SYTL2: variants seen among roughly 807,000 people sequenced by gnomAD.
SYTL2 encodes the protein synaptotagmin-like protein 2.
SYTL2 carries 165 observed loss-of-function variants against 198.7 expected under a neutral mutation model. The ratio of observed to expected loss-of-function variants is 0.83; its 90% confidence interval spans 0.73 to 0.94. SYTL2 has a LOEUF of 0.94. Among genes scored for constraint, SYTL2 ranks in the 40% least tolerant of loss-of-function variants. The probability of loss-of-function intolerance (pLI) is 0.00; values close to 1 mark genes in which losing one functional copy is unlikely to be tolerated. For missense variants in SYTL2, 2,835 were observed against 2,582.8 expected (o/e 1.10, Z -2.12); for synonymous variants, 966 against 917.7 (o/e 1.05, Z -0.95).
intron 2 of SYTL2, among the ~76,000 whole-genome samples, chr11:85,752,916 T>TCAA (rs1565984055): frequency 3.0e-5 from 1 of 33,870 alleles, no homozygotes; most frequent in Non-Finnish European, 5.1e-5. Context: ...ACTGCCTTCA[T>TCAA]TAAAAAAAAA....
rs572831157 is a variant in SYTL2, at chr11:85,726,681, A to C, written c.2677T>G (p.Ser893Ala). 58 of 1,536,376 alleles carry C rather than the reference A, an allele frequency of 3.8e-5. No individual in the cohort carries two copies. The Admixed American group carries it at 8.6e-4, about 23-fold the overall frequency. The change falls in exon 8 of 20, where the codon TCA (serine) becomes GCA (alanine). Residue 893 changes from serine (S) to alanine (A), a missense_variant. By Grantham distance (99) the Ser-to-Ala change is moderately conservative (BLOSUM62 1). Transcript: ENST00000359152. ...QIAGPSRYYL[S>A]AEQSDKVSLF... ...GACACTTTATCTGATTGCTCAGCTGAAAGATAGTATCTGGATGGACCTGCT... is the reference window on the plus strand; with the variant it reads ...GACACTTTATCTGATTGCTCAGCTGCAAGATAGTATCTGGATGGACCTGCT...
intron 13 of SYTL2, 56 bp from the exon 14 acceptor site, chr11:85,709,556 C>G: frequency 1.3e-6 from 2 of 1,526,008 alleles, no homozygotes; most frequent in Non-Finnish European, 1.8e-6. Flanking sequence ...AAACCTAGCA[C>G]AAGGATCATG....
At chr11:85,846,288 T>C in the SYTL2 span, among the ~76,000 whole-genome samples, 1 of 152,192 alleles carries the variant, frequency 6.6e-6, no homozygotes, top group African/African-American at 2.4e-5. Context: ...GCCTCAGAAG[T>C]AACACAGAGT....
intron 16 of SYTL2, among the ~76,000 whole-genome samples, chr11:85,703,718 G>A (rs918917092): frequency 7.2e-5 from 11 of 152,166 alleles, no homozygotes; most frequent in East Asian, 3.9e-4. Flanking sequence ...TTAATAGACC[G>A]TATAAAACAA....
the SYTL2 span, among the ~76,000 whole-genome samples, chr11:85,850,256 T>C: frequency 6.6e-6 from 1 of 151,468 alleles, no homozygotes. Context: ...GACTTCCTCT[T>C]TTCCTAATTG....
rs1375226472 is a variant in SYTL2 at position 85,698,032 on chromosome 11, T to G, written c.6315A>C (p.Glu2105Asp). The G allele has an allele frequency of 6.2e-7, 1 of 1,613,960 alleles. No homozygotes were observed. Among genetic ancestry groups the G allele is most frequent in the Admixed American group, 1.7e-5 (1 of 60,018 alleles). Reference protein sequence around the residue: ...TTGEVHIWVKECLDLPLLRGS... With the variant: ...TTGEVHIWVKDCLDLPLLRGS... ...CCCTTAGCAGTGGTAGATCAAGGCA[T>G]TCCTTCACCCAGATGTGCACTTCTC... Residue 2105 changes from glutamate to aspartate, a missense_variant, in exon 18 of 20, where the codon GAA (glutamate) becomes GAC (aspartate). Physicochemically the swap from Glu to Asp is conservative, Grantham distance 45. Coordinates refer to ENST00000359152, the MANE Select transcript of SYTL2 (RefSeq NM_206927.4).
chr11:85,828,779 G>T, the SYTL2 span, among the ~76,000 whole-genome samples: 1 of 152,204 alleles, frequency 6.6e-6, no homozygotes, highest in African/African-American at 2.4e-5. Context: ...TACATGATTT[G>T]TCCATGGTTG....
chr11:85,719,399 ATT>A, intron 9 of SYTL2: 1 of 946,948 alleles, frequency 1.1e-6, no homozygotes, highest in Non-Finnish European at 1.3e-6. Flanking sequence ...GCTGATGGTG[ATT>A]TTTTTTTAAC....
intron 1 of SYTL2, among the ~76,000 whole-genome samples, chr11:85,790,212 G>A (rs2092709481): frequency 6.6e-6 from 1 of 152,114 alleles, no homozygotes; most frequent in Non-Finnish European, 1.5e-5. Context: ...GTAGGGTCAT[G>A]TCAGGGCTCA....
Position 85,734,338 on chromosome 11 carries a change from TTA to T in SYTL2, c.989_990del (p.Leu330Ter). On this transcript the variant is annotated frameshift_variant, in exon 7 of 20. Coordinates refer to ENST00000359152, the MANE Select transcript of SYTL2 (RefSeq NM_206927.4). LOFTEE classifies it high-confidence loss of function. ...TTCACTGCAGAGAATCTCACATGCTTTAATGGCTCCAGGGAGTTTGGGGAAGA... is the reference window on the plus strand; with the variant it reads ...TTCACTGCAGAGAATCTCACATGCTTATGGCTCCAGGGAGTTTGGGGAAGA... ...DNSSPNSLEP[L>X]KHVRFSAVKD... is the part of the protein sequence containing the mutation. The T allele has an allele frequency of 6.2e-7, 1 of 1,614,216 alleles. No homozygotes were observed.
chr11:85,770,274 A>G (rs1471209743), intron 1 of SYTL2, among the ~76,000 whole-genome samples: 3 of 152,064 alleles, frequency 2.0e-5, no homozygotes, highest in Admixed American at 1.3e-4. Context: ...CTAAAAACCA[A>G]TCATTGCCAG....
intron 1 of SYTL2, among the ~76,000 whole-genome samples, chr11:85,764,058 C>T (rs1028218644): frequency 1.3e-4 from 20 of 152,238 alleles, no homozygotes; most frequent in Admixed American, 1.2e-3. Flanking sequence ...TGGGCTGCTC[C>T]GCTTCTCAGG....
intron 15 of SYTL2, 117 bp downstream of exon 15, chr11:85,707,312 A>G (rs1162788180): frequency 2.9e-6 from 2 of 683,026 alleles, no homozygotes; most frequent in Non-Finnish European, 5.1e-6. Flanking sequence ...GAACATTTGT[A>G]TTCCCTTCCT....
rs191296454 is a variant in SYTL2 at position 85,718,922 on chromosome 11, C to T, written c.5429-79G>A. The T allele has an allele frequency of 2.4e-4, 378 of 1,573,300 alleles. 6 individuals are homozygous for T. The Middle Eastern group carries it at 3.7e-3, about 15-fold the overall frequency. On this transcript the variant is annotated intron_variant, in intron 9 of 19. Coordinates refer to ENST00000359152, the MANE Select transcript of SYTL2 (RefSeq NM_206927.4). ...GAACAATGAGATTGTCCCTGGAAGC[C>T]CCCGGAGTTGGAAGCAATTAGTCAA...
At chr11:85,714,797 A>G in intron 11 of SYTL2, 1 of 644,172 alleles carries the variant, frequency 1.6e-6, no homozygotes, top group Non-Finnish European at 2.1e-6. Flanking sequence ...TTATACTGTC[A>G]GTGTGAATTG....
In SYTL2 at chr11:85,724,090, C is replaced by T. The variant is rs747323429; in HGVS notation, c.5268G>A (p.Glu1756=). ...TGGTGTTTCCATCTGAAAAATCAGA[C>T]TCAGAGAAACCTTCTTTTTCTTCCT... The part of the protein sequence containing the change: ...EKEEEKEGFS[E]SDFSDGNTSS... Residue 1756 remains glutamate (E), a synonymous_variant, in exon 8 of 20, where the codon GAG becomes GAA. Coordinates refer to ENST00000359152, the MANE Select transcript of SYTL2 (RefSeq NM_206927.4). 1.9e-6 allele frequency: 3 copies of T among 1,570,022 alleles called. No homozygotes were observed. The South Asian group carries it at 3.7e-5, about 19-fold the overall frequency.
At chr11:85,771,187 G>C (rs1339570681) in intron 1 of SYTL2, among the ~76,000 whole-genome samples, 2 of 152,204 alleles carry the variant, frequency 1.3e-5, no homozygotes, top group Non-Finnish European at 2.9e-5. Context: ...AGTTACCAAA[G>C]TGTTGAGAGC....
chr11:85,853,897 C>A, the SYTL2 span: 1 of 152,144 alleles, frequency 6.6e-6, no homozygotes, highest in Non-Finnish European at 1.5e-5. Context: ...CTCTGTCACC[C>A]GTGCAGTGGC....
chr11:85,802,103 C>T (rs1049207660), intron 1 of SYTL2, among the ~76,000 whole-genome samples: 3 of 151,762 alleles, frequency 2.0e-5, no homozygotes, highest in South Asian at 4.2e-4. Context: ...CATGGGCCAC[C>T]GTGCCTGGCC....
Sources: gnomAD v4.1 joint callset for allele counts (sites outside exome capture counted in the v4.1 genomes callset) on GRCh38, gnomAD v4.1.1 for gene constraint, MANE v1.5 for transcripts, NCBI Gene and HGNC (gene_info 2026-07-23, HGNC 2026-07-21) for gene names.